The following NAV1 variants were observed in gnomAD, a reference collection of about 807,000 sequenced individuals.
NAV1 encodes neuron navigator 1, also known as pore membrane and/or filament interacting like protein 3.
NAV1 carries 18 observed loss-of-function variants against 175.2 expected under a neutral mutation model. That is an observed-to-expected ratio of 0.10 (90% CI 0.07 to 0.15). The LOEUF (loss-of-function observed/expected upper bound fraction) is 0.15, where lower values mean the gene tolerates loss of function less well. Among genes scored for constraint, NAV1 ranks in the 10% least tolerant of loss-of-function variants. The probability of loss-of-function intolerance (pLI) is 1.00; values close to 1 mark genes in which losing one functional copy is unlikely to be tolerated. For missense variants in NAV1, 1,731 were observed against 2,436.6 expected (o/e 0.71, Z 6.10); for synonymous variants, 897 against 978.7 (o/e 0.92, Z 1.56).
rs758000895 is a variant in NAV1, at chr1:201,782,414, C to T, written c.1902C>T (p.Ser634=). 8 of 1,613,972 alleles carry T rather than the reference C, an allele frequency of 5.0e-6. No homozygotes were observed. The highest frequency in any genetic ancestry group is 2.2e-5 in the South Asian group (2 of 91,078). ...CCACTCTCAGCAAGATCCAGAAGTC[C>T]TCAGGCATCCCTGTCAAGCCAGTAA... The change falls in exon 6 of 30, where the codon TCC becomes TCT. Residue 634 remains serine, a synonymous_variant. Coordinates refer to ENST00000367296, the Ensembl canonical transcript of NAV1. The surrounding 1 kb of genome is among the most constrained non-coding windows in gnomAD (Gnocchi z 5.4).
At position 201,810,631 on chromosome 1, in the gene NAV1, C is replaced by T; in HGVS notation, c.4670C>T (p.Ser1557Leu). 1.2e-6 allele frequency: 2 copies of T among 1,614,120 alleles called. No homozygotes were observed. The highest frequency in any genetic ancestry group is 1.7e-6 in the Non-Finnish European group (2 of 1,180,002). The stretch of plus-strand genomic sequence containing the variant: ...CTGAAGCACCGGCGCCTCGTCCTCT[C>T]GGGCCCCAGCGGCACGGGCAAGACC... The change falls in exon 24 of 30, where the codon TCG becomes TTG. Residue 1557 changes from serine (S) to leucine (L), a missense_variant. Coordinates refer to ENST00000367296, the Ensembl canonical transcript of NAV1. This position sits in a 1 kb window ranked among gnomAD's most constrained non-coding sequence, Gnocchi z 6.0.
intron 3 of NAV1, among the ~76,000 whole-genome samples, chr1:201,760,864 C>T (rs1257773007): frequency 6.6e-6 from 1 of 152,076 alleles, no homozygotes; most frequent in Non-Finnish European, 1.5e-5. Context: ...TAACATGGTA[C>T]CATGTAGTTC....
In NAV1 at chr1:201,740,915, T is replaced by C. The variant is rs1263122793; in HGVS notation, c.1226+22160T>C. ...AGGGGGCTGGGGTTTCTGGGATTTT[T>C]TAGCGGGGTGGGCAGGGGAGGCTTC... On this transcript the variant is annotated intron_variant, in intron 3 of 29. Coordinates refer to ENST00000367296, the Ensembl canonical transcript of NAV1. This position sits in a 1 kb window ranked among gnomAD's most constrained non-coding sequence, Gnocchi z 4.7. Among the ~76,000 whole-genome samples the C allele has an allele frequency of 6.6e-6, 1 of 152,044 alleles. No homozygotes were observed. Among genetic ancestry groups the C allele is most frequent in the African/African-American group, 2.4e-5 (1 of 41,398 alleles).
chr1:201,555,593 G>A (rs866532272), intron 1 of NAV1, among the ~76,000 whole-genome samples: 2 of 151,962 alleles, frequency 1.3e-5, no homozygotes, highest in Non-Finnish European at 2.9e-5. Flanking sequence ...CTCTTCTCCT[G>A]GTGGCCGGGA....
At chr1:201,625,686 C>T (rs563468295) in intron 1 of NAV1, among the ~76,000 whole-genome samples, 5 of 152,348 alleles carry the variant, frequency 3.3e-5, no homozygotes, top group African/African-American at 1.2e-4. Context: ...AAATGTTTCC[C>T]TGGTGACTCT....
At chr1:201,625,334 G>A (rs149693001) in intron 1 of NAV1, among the ~76,000 whole-genome samples, 2 of 152,336 alleles carry the variant, frequency 1.3e-5, no homozygotes, top group African/African-American at 2.4e-5. Context: ...CACCATGGTG[G>A]TTAGAAGTTA....
At chr1:201,739,799 A>C (rs1445322928) in intron 3 of NAV1, 2 of 1,226,208 alleles carry the variant, frequency 1.6e-6, no homozygotes, top group Non-Finnish European at 2.0e-6. Flanking sequence ...GACAGAAGTC[A>C]GCGGCGGGGA....
chr1:201,737,789 T>G (rs1483888903), intron 3 of NAV1, among the ~76,000 whole-genome samples: 1 of 152,178 alleles, frequency 6.6e-6, no homozygotes, highest in Non-Finnish European at 1.5e-5. Context: ...TACAGCTAGA[T>G]CTGGAGAAAA....
chr1:201,762,802 C>A (rs980058076), intron 3 of NAV1, among the ~76,000 whole-genome samples: 7 of 152,224 alleles, frequency 4.6e-5, no homozygotes, highest in Admixed American at 6.5e-5. Flanking sequence ...TTCTACATTT[C>A]TTTTCAATTA....
rs1558080663 is a variant in NAV1 at position 201,702,688 on chromosome 1, C to CTT, written c.758-10128_758-10127insTT. On this transcript the variant is annotated intron_variant, in intron 1 of 29. Coordinates refer to ENST00000367296, the Ensembl canonical transcript of NAV1. ...GTATGTGAATTCTCTCTCTCTCTCT[C>CTT]TCTCTCTCTCTCTCTCTCTCTCTCT... is the stretch of plus-strand genomic sequence containing the variant. 3.9e-3 allele frequency among the ~76,000 whole-genome samples: 561 copies of CTT among 143,358 alleles called. 37 individuals are homozygous for CTT. Among genetic ancestry groups the CTT allele is most frequent in the African/African-American group, 0.012 (439 of 36,764 alleles). The allele number at this position is 143,358 out of a possible 152,430, so 94.0% of individuals were successfully genotyped here.
At chr1:201,570,066 G>C (rs1320760087) in intron 1 of NAV1, among the ~76,000 whole-genome samples, 1 of 152,158 alleles carries the variant, frequency 6.6e-6, no homozygotes, top group African/African-American at 2.4e-5. Context: ...ATTAAGAAGA[G>C]GCACTATAGT....
At chr1:201,556,219 C>T (rs1208737078) in intron 1 of NAV1, among the ~76,000 whole-genome samples, 1 of 152,052 alleles carries the variant, frequency 6.6e-6, no homozygotes, top group Non-Finnish European at 1.5e-5. Context: ...TGAGACCACC[C>T]TGGACAACAT....
At chr1:201,616,877 A>G (rs186097125) in intron 2 of NAV1, among the ~76,000 whole-genome samples, 15 of 152,316 alleles carry the variant, frequency 9.8e-5, no homozygotes, top group South Asian at 6.2e-4. Flanking sequence ...GCTAGCTCCT[A>G]GAGAGCAGAA....
Position 201,810,193 on chromosome 1 carries a change from G to A in NAV1, c.4561+88G>A, listed in dbSNP as rs1678602051. 1 of 1,507,808 alleles carries A rather than the reference G, an allele frequency of 6.6e-7. No individual in the cohort carries two copies. The highest frequency in any genetic ancestry group is 9.1e-7 in the Non-Finnish European group (1 of 1,104,968). The allele number at this position is 1,507,808 out of a possible 1,614,324, so 93.4% of individuals were successfully genotyped here. A position where few individuals can be genotyped will look rare whatever the true frequency, so the allele number is the denominator to read the frequency against. On this transcript the variant is annotated intron_variant, in intron 23 of 29. Coordinates refer to ENST00000367296, the Ensembl canonical transcript of NAV1. The surrounding 1 kb of genome is among the most constrained non-coding windows in gnomAD (Gnocchi z 6.0). ...AATCCATCATGCATTCATTCACCAA[G>A]AACTCACTGAGAAGGTATAATATGA...
At chr1:201,751,373 G>A (rs1350880243) in intron 3 of NAV1, among the ~76,000 whole-genome samples, 1 of 152,174 alleles carries the variant, frequency 6.6e-6, no homozygotes, top group Non-Finnish European at 1.5e-5. Flanking sequence ...TGCTGACTTT[G>A]TCACTGATTT....
In NAV1 at chr1:201,649,136, C is replaced by T. The variant is rs1267119; in HGVS notation, c.468C>T (p.Gly156=). The change falls in exon 1 of 30, where the codon GGC becomes GGT. Residue 156 remains glycine (G), a synonymous_variant. Transcript: ENST00000367296. ...AGGCCAAGGGCAGCCCGGCGGGCGG[C>T]GCCAAGACCCCCCTGGCTCCGCTCG... The T allele has an allele frequency of 0.073, 117,231 of 1,611,722 alleles. 4,614 individuals carry two copies. The highest frequency in any genetic ancestry group is 0.12 in the African/African-American group (8,677 of 75,032).
At chr1:201,552,710 G>C (rs752261234) in intron 1 of NAV1, among the ~76,000 whole-genome samples, 6 of 152,166 alleles carry the variant, frequency 3.9e-5, no homozygotes, top group African/African-American at 9.7e-5. Context: ...TGGATGCCCC[G>C]TGGCTCGCTG....
At chr1:201,665,759 C>T (rs1347700565) in intron 1 of NAV1, among the ~76,000 whole-genome samples, 1 of 152,000 alleles carries the variant, frequency 6.6e-6, no homozygotes, top group Non-Finnish European at 1.5e-5. Flanking sequence ...TTGCCTCTGC[C>T]TCCCTGCCCA....
chr1:201,618,949 T>C (rs1215670478), upstream of NAV1, among the ~76,000 whole-genome samples: 1 of 152,008 alleles, frequency 6.6e-6, no homozygotes, highest in African/African-American at 2.4e-5. Flanking sequence ...AATAACTCAC[T>C]GTTTGGGGAG....
Sources: gnomAD v4.1 joint callset for allele counts (sites outside exome capture counted in the v4.1 genomes callset) on GRCh38, gnomAD v4.1.1 for gene constraint, Gnocchi (gnomAD v3.1) non-coding constraint, MANE v1.5 for transcripts, NCBI Gene and HGNC (gene_info 2026-07-23, HGNC 2026-07-21) for gene names.